PTPRD: variants seen among roughly 807,000 people sequenced by gnomAD.
The protein encoded by PTPRD is receptor-type tyrosine-protein phosphatase delta.
PTPRD carries 34 observed loss-of-function variants against 214.5 expected under a neutral mutation model. The observed-to-expected ratio is 0.16, with a 90% CI of 0.12 to 0.21. The LOEUF (loss-of-function observed/expected upper bound fraction) is 0.21, where lower values mean the gene tolerates loss of function less well. PTPRD is among the 10% of genes least tolerant of loss of function. The pLI, the probability that PTPRD is intolerant of heterozygous loss-of-function variation, is 1.00. For missense variants in PTPRD, 2,545 were observed against 2,398.7 expected, an observed-to-expected ratio of 1.06 and a Z score of -1.27; for synonymous variants, 1,128 against 845.7, an observed-to-expected ratio of 1.33 and a Z score of -5.79.
At chr9:10,059,669 A>G (rs1364138017) in intron 3 of PTPRD, among the ~76,000 whole-genome samples, 2 of 152,036 alleles carry the variant, frequency 1.3e-5, no homozygotes, top group Admixed American at 1.3e-4. Flanking sequence ...TATAGATACA[A>G]AATTAGATAT....
At chr9:9,232,234 AT>A (rs1463881815) in intron 9 of PTPRD, among the ~76,000 whole-genome samples, 1 of 152,176 alleles carries the variant, frequency 6.6e-6, no homozygotes, top group Non-Finnish European at 1.5e-5. Context: ...GAAGAGTTGC[AT>A]AAGATCAACT....
chr9:8,524,401 T>C (rs1322077631), intron 18 of PTPRD, among the ~76,000 whole-genome samples: 3 of 152,146 alleles, frequency 2.0e-5, no homozygotes, highest in East Asian at 3.9e-4. Flanking sequence ...TAAGAAAGTA[T>C]ACGAAGACAG....
At chr9:9,742,317 T>C (rs78830757) in intron 6 of PTPRD, among the ~76,000 whole-genome samples, 1,855 of 152,250 alleles carry the variant, frequency 0.012, 44 homozygotes, top group African/African-American at 0.041. Context: ...GTCAGCAAGA[T>C]GGAATGTTCT....
At position 9,373,366 on chromosome 9, in the gene PTPRD, C is replaced by T. The variant is rs537157039; in HGVS notation, c.-203+24083G>A. Among the ~76,000 whole-genome samples, 301 of 152,074 alleles carry T rather than the reference C, an allele frequency of 2.0e-3. 2 individuals carry two copies. Among genetic ancestry groups the T allele is most frequent in the African/African-American group, 6.6e-3 (276 of 41,522 alleles). The stretch of plus-strand genomic sequence containing the variant: ...AACACCTAGAAACCTTGTAGAAATG[C>T]TTGTTATTAGTATTTGTATTAGTTT... On this transcript the variant is annotated intron_variant, in intron 9 of 45. Coordinates refer to ENST00000381196, the MANE Select transcript of PTPRD (RefSeq NM_002839.4).
chr9:8,993,161 A>G (rs957504148), intron 11 of PTPRD, among the ~76,000 whole-genome samples: 2 of 151,320 alleles, frequency 1.3e-5, no homozygotes, highest in East Asian at 4.0e-4. Context: ...TTAAAGTCTC[A>G]TAGGTATGGA....
chr9:8,458,511 C>G (rs1187971246), intron 33 of PTPRD, among the ~76,000 whole-genome samples: 1 of 151,964 alleles, frequency 6.6e-6, no homozygotes, highest in Admixed American at 6.6e-5. Context: ...GTTTTTTGAC[C>G]TACTCCCATA....
intron 6 of PTPRD, among the ~76,000 whole-genome samples, chr9:9,744,100 A>G (rs999757479): frequency 2.0e-5 from 3 of 152,114 alleles, no homozygotes; most frequent in African/African-American, 7.2e-5. Context: ...TCTTGCATGA[A>G]TACTTATTAC....
intron 9 of PTPRD, among the ~76,000 whole-genome samples, chr9:9,269,970 T>C (rs1942117691): frequency 1.3e-5 from 2 of 150,290 alleles, no homozygotes; most frequent in South Asian, 2.1e-4. Flanking sequence ...CGATTTAATA[T>C]AATATTAATT....
chr9:9,314,134 G>C (rs1961029295), intron 9 of PTPRD, among the ~76,000 whole-genome samples: 1 of 152,058 alleles, frequency 6.6e-6, no homozygotes, highest in Admixed American at 6.6e-5. Flanking sequence ...GGAGATATTG[G>C]CATGTGCATT....
At chr9:9,636,140 C>G (rs1264929495) in intron 7 of PTPRD, among the ~76,000 whole-genome samples, 1 of 152,196 alleles carries the variant, frequency 6.6e-6, no homozygotes, top group Non-Finnish European at 1.5e-5. Flanking sequence ...ACGTGTTCTT[C>G]TCCTGACCTG....
At chr9:9,591,119 G>T (rs1031664914) in intron 7 of PTPRD, among the ~76,000 whole-genome samples, 4 of 151,886 alleles carry the variant, frequency 2.6e-5, no homozygotes, top group African/African-American at 9.7e-5. Context: ...AGGATTGTCT[G>T]GGTAGGCCCA....
At chr9:9,552,627 A>C (rs1483746646) in intron 8 of PTPRD, among the ~76,000 whole-genome samples, 1 of 152,060 alleles carries the variant, frequency 6.6e-6, no homozygotes, top group East Asian at 1.9e-4. Context: ...TCTGAGATTT[A>C]TCTAGTGTTT....
chr9:9,526,794 A>G lies in PTPRD; in HGVS notation c.-237+47938T>C, dbSNP rs187540125. On this transcript the variant is annotated intron_variant, in intron 8 of 45. Coordinates refer to ENST00000381196, the MANE Select transcript of PTPRD (RefSeq NM_002839.4). ...AGTCAATATTATCAGAATAATTAACATGATGAGTTCTGATTTCTGGTCACC... is the reference window on the plus strand; with the variant it reads ...AGTCAATATTATCAGAATAATTAACGTGATGAGTTCTGATTTCTGGTCACC... 4.6e-5 allele frequency among the ~76,000 whole-genome samples: 7 copies of G among 152,314 alleles called. No individual in the cohort carries two copies. The East Asian group carries it at 1.2e-3, about 25-fold the overall frequency.
chr9:9,251,496 C>T (rs1272352643), intron 9 of PTPRD, among the ~76,000 whole-genome samples: 5 of 151,886 alleles, frequency 3.3e-5, no homozygotes, highest in Admixed American at 3.3e-4. Context: ...AACTACTATT[C>T]ATTAATTTTT....
Position 8,460,440 on chromosome 9 carries a change from G to C in PTPRD, c.3846C>G (p.Cys1282Trp), listed in dbSNP as rs2134139222. 6.2e-7 allele frequency: 1 copy of C among 1,613,174 alleles called. No individual in the cohort carries two copies. The highest frequency in any genetic ancestry group is 2.2e-5 in the East Asian group (1 of 44,850). Reference protein sequence around the residue: ...GPVLAVVFIICIVIAILLYKR... With the variant: ...GPVLAVVFIIWIVIAILLYKR... ...TATAAAGAAGAATAGCAATGACAAT[G>C]CAGATGATAAAGACCACTGCAAGGA... Residue 1282 changes from cysteine (C) to tryptophan (W), a missense_variant, in exon 33 of 46, where the codon TGC becomes TGG. Cys to Trp is a radical substitution (Grantham distance 215, BLOSUM62 -2). Transcript: ENST00000381196.
At chr9:9,303,801 T>A (rs562308206) in intron 9 of PTPRD, among the ~76,000 whole-genome samples, 1 of 152,220 alleles carries the variant, frequency 6.6e-6, no homozygotes, top group Admixed American at 6.6e-5. Flanking sequence ...AGAATGCTGT[T>A]TACAATAAGG....
chr9:8,837,755 G>C (rs1218013644), intron 11 of PTPRD, among the ~76,000 whole-genome samples: 1 of 152,098 alleles, frequency 6.6e-6, no homozygotes, highest in Non-Finnish European at 1.5e-5. Flanking sequence ...TCCTGTCTCA[G>C]CCTCCCAAAG....
intron 34 of PTPRD, among the ~76,000 whole-genome samples, chr9:8,446,763 C>T (rs138801053): frequency 0.013 from 2,013 of 152,262 alleles, 19 homozygotes; most frequent in Non-Finnish European, 0.023. Flanking sequence ...AAATTAGCGT[C>T]ATAGCACCTG....
At chr9:8,450,314 G>C (rs188267856) in intron 33 of PTPRD, among the ~76,000 whole-genome samples, 51 of 152,252 alleles carry the variant, frequency 3.3e-4, no homozygotes, top group African/African-American at 1.2e-3. Context: ...ACAGAGAGTA[G>C]ATGCCGTAGA....
Sources: gnomAD v4.1 joint callset for allele counts (sites outside exome capture counted in the v4.1 genomes callset) on GRCh38, gnomAD v4.1.1 for gene constraint, MANE v1.5 for transcripts, NCBI Gene and HGNC (gene_info 2026-07-23, HGNC 2026-07-21) for gene names.